The following SEMA3A variants were observed in gnomAD, a reference collection of about 807,000 sequenced individuals.
SEMA3A encodes semaphorin-3A.
In SEMA3A, 29 loss-of-function variants were observed where a neutral mutation model predicts 97.9. The ratio of observed to expected loss-of-function variants is 0.30; its 90% CI spans 0.22 to 0.40. The LOEUF is 0.40. Among genes scored for constraint, SEMA3A ranks in the 10% least tolerant of loss-of-function variants. SEMA3A has a pLI of 1.00. For missense variants in SEMA3A, 763 were observed against 951.3 expected, an observed-to-expected ratio of 0.80 and a Z score of 2.60; for synonymous variants, 321 against 323.7, an observed-to-expected ratio of 0.99 and a Z score of 0.09.
intron 2 of SEMA3A, among the ~76,000 whole-genome samples, chr7:84,352,093 G>T (rs1363009782): frequency 6.6e-6 from 1 of 150,664 alleles, no homozygotes; most frequent in Admixed American, 6.6e-5. Context: ...GGATGGAACT[G>T]GAGGACCTTT....
chr7:84,184,031 G>T (rs564919139), intron 1 of SEMA3A, among the ~76,000 whole-genome samples: 1 of 152,082 alleles, frequency 6.6e-6, no homozygotes, highest in Admixed American at 6.6e-5. Flanking sequence ...ATATAGTTGT[G>T]AACAGAAGTA....
chr7:84,322,849 T>C (rs925056679), intron 2 of SEMA3A, among the ~76,000 whole-genome samples: 9 of 152,202 alleles, frequency 5.9e-5, no homozygotes, highest in African/African-American at 2.2e-4. Flanking sequence ...CATACAGGCT[T>C]CCTGAAGGAC....
At chr7:83,962,996 C>T (rs747438674) in intron 16 of SEMA3A, among the ~76,000 whole-genome samples, 2 of 152,092 alleles carry the variant, frequency 1.3e-5, no homozygotes, top group African/African-American at 2.4e-5. Flanking sequence ...GAAACTCTTA[C>T]CAGGTTACCT....
chr7:84,012,925 G>A (rs2116417632), intron 7 of SEMA3A, among the ~76,000 whole-genome samples: 1 of 151,890 alleles, frequency 6.6e-6, no homozygotes, highest in African/African-American at 2.4e-5. Context: ...TGAAAGTAGT[G>A]CTTTTAAATA....
chr7:84,460,182 T>A (rs1292278415), intron 1 of SEMA3A, among the ~76,000 whole-genome samples: 1 of 152,210 alleles, frequency 6.6e-6, no homozygotes, highest in Non-Finnish European at 1.5e-5. Flanking sequence ...TAAACCAATG[T>A]AAAGAAATTA....
chr7:84,049,701 T>C (rs1412128651), intron 5 of SEMA3A, among the ~76,000 whole-genome samples: 3 of 151,500 alleles, frequency 2.0e-5, no homozygotes, highest in East Asian at 1.9e-4. Context: ...TGTTGATTCT[T>C]TTTTTTTTCA....
At chr7:83,988,880 G>C (rs1462980431) in intron 12 of SEMA3A, among the ~76,000 whole-genome samples, 1 of 114,948 alleles carries the variant, frequency 8.7e-6, no homozygotes, top group Non-Finnish European at 1.7e-5. Context: ...TTTTTTTTCT[G>C]ACAGAGTCTC....
rs2372018 is a variant in SEMA3A, at chr7:84,010,746, A to C, written c.995+276T>G. Among the ~76,000 whole-genome samples, 85,126 of 151,950 alleles carry C rather than the reference A, an allele frequency of 0.56. 25,244 individuals carry two copies. The highest frequency in any genetic ancestry group is 0.75 in the African/African-American group (31,101 of 41,490). Reference sequence around the variant, plus strand: ...ATATTTTACATTATTATAATAATGTAAAAGGTTTAAAGTCAAAGATATGCA... The same window carrying C: ...ATATTTTACATTATTATAATAATGTCAAAGGTTTAAAGTCAAAGATATGCA... On this transcript the variant is annotated intron_variant, in intron 9 of 16. Coordinates refer to ENST00000265362, the MANE Select transcript of SEMA3A (RefSeq NM_006080.3).
In SEMA3A at chr7:84,000,584, A is replaced by AAAT. The variant is rs1330765088; in HGVS notation, c.1452+1368_1452+1370dup. 1.1e-4 allele frequency among the ~76,000 whole-genome samples: 16 copies of AAAT among 152,226 alleles called. No individual in the cohort carries two copies. The East Asian group carries it at 3.1e-3, about 29-fold the overall frequency. ...TTCTAATTCTTCCATTATCCTGGTG[A>AAAT]AATAGGTATTATGCTCATTGTTTTA... On this transcript the variant is annotated intron_variant, in intron 12 of 16. Coordinates refer to ENST00000265362, the MANE Select transcript of SEMA3A (RefSeq NM_006080.3).
chr7:84,205,571 T>TCA (rs1300993280), intron 3 of SEMA3A, among the ~76,000 whole-genome samples: 3 of 152,314 alleles, frequency 2.0e-5, no homozygotes, highest in Admixed American at 6.5e-5. Context: ...CATATTTATT[T>TCA]TTTCATAATA....
At chr7:84,414,164 A>C (rs960648010) in intron 1 of SEMA3A, among the ~76,000 whole-genome samples, 2 of 152,116 alleles carry the variant, frequency 1.3e-5, no homozygotes, top group Non-Finnish European at 2.9e-5. Context: ...TTTTATATTA[A>C]AAATAGTTTT....
intron 2 of SEMA3A, among the ~76,000 whole-genome samples, chr7:84,327,709 C>T (rs1801804371): frequency 6.6e-6 from 1 of 151,890 alleles, no homozygotes; most frequent in South Asian, 2.1e-4. Flanking sequence ...TTTAAACTAG[C>T]TCCAATTTTA....
chr7:84,477,989 G>C (rs960535519), intron 1 of SEMA3A, among the ~76,000 whole-genome samples: 1 of 152,152 alleles, frequency 6.6e-6, no homozygotes, highest in African/African-American at 2.4e-5. Context: ...AATTCCAAAT[G>C]AACAGCTAAG....
intron 4 of SEMA3A, among the ~76,000 whole-genome samples, chr7:84,088,685 CAT>C (rs1794464922): frequency 6.6e-6 from 1 of 152,014 alleles, no homozygotes; most frequent in African/African-American, 2.4e-5. Flanking sequence ...TAAAATTTGA[CAT>C]ATTCAGAAAA....
chr7:84,483,976 G>A (rs180674150), intron 1 of SEMA3A, among the ~76,000 whole-genome samples: 10 of 151,950 alleles, frequency 6.6e-5, no homozygotes, highest in East Asian at 3.9e-4. Flanking sequence ...CCCAGGAGGC[G>A]GAGGTTGCAG....
chr7:84,453,258 G>T (rs1368347761), intron 1 of SEMA3A, among the ~76,000 whole-genome samples: 2 of 141,292 alleles, frequency 1.4e-5, no homozygotes, highest in East Asian at 4.0e-4. Context: ...TTTTTTTTGA[G>T]ACGGAGTCTC....
intron 1 of SEMA3A, among the ~76,000 whole-genome samples, chr7:84,380,789 C>T (rs1803238613): frequency 6.6e-6 from 1 of 152,232 alleles, no homozygotes; most frequent in East Asian, 1.9e-4. Context: ...CCAAAGGCCT[C>T]TCTCTGGTCC....
At chr7:84,161,765 C>A (rs1244002093) in intron 1 of SEMA3A, among the ~76,000 whole-genome samples, 1 of 152,006 alleles carries the variant, frequency 6.6e-6, no homozygotes, top group South Asian at 2.1e-4. Flanking sequence ...TACTAAGGAA[C>A]AAAAGCAAAT....
intron 3 of SEMA3A, among the ~76,000 whole-genome samples, chr7:84,233,623 G>A (rs1444755774): frequency 6.6e-6 from 1 of 151,862 alleles, no homozygotes; most frequent in Non-Finnish European, 1.5e-5. Context: ...TTTTTAAAAA[G>A]CCTTGAGAAA....
Sources: gnomAD v4.1 joint callset for allele counts (sites outside exome capture counted in the v4.1 genomes callset) on GRCh38, gnomAD v4.1.1 for gene constraint, MANE v1.5 for transcripts, NCBI Gene and HGNC (gene_info 2026-07-23, HGNC 2026-07-21) for gene names.